MILR1: variants seen among roughly 807,000 people sequenced by gnomAD.
MILR1 encodes the protein mast cell immunoglobulin like receptor 1.
MILR1 carries 31 observed loss-of-function variants against 18.5 expected under a neutral mutation model. That is an observed-to-expected ratio of 1.68 (90% CI 1.26 to 2.26). The LOEUF is 2.26. MILR1 is among the 30% of genes most tolerant of loss of function. MILR1 has a pLI of 0.00. For synonymous variants in MILR1, 85 were observed against 56.2 expected, an observed-to-expected ratio of 1.51 and a Z score of -2.30; for missense variants, 257 against 157.4, an observed-to-expected ratio of 1.63 and a Z score of -3.38.
the MILR1 span, chr17:64,485,432 A>G: frequency 5.3e-6 from 2 of 377,698 alleles, no homozygotes; most frequent in South Asian, 2.4e-5. Context: ...AGCTTCTGAT[A>G]CAAATGGAAG....
In MILR1 at chr17:64,468,500, G is replaced by T. The variant is rs2037632679; in HGVS notation, c.*219G>T. ...GATGGGGTTTCACTATGGTGGCCAG[G>T]CTGGTCTTGAACTCCTGACCTCAGA... is the stretch of plus-strand genomic sequence containing the variant. On this transcript the variant is annotated 3_prime_UTR_variant, in exon 10 of 10. Transcript: ENST00000619286. 1 of 472,874 alleles carries T rather than the reference G, an allele frequency of 2.1e-6. No homozygotes were observed. The allele number at this position is 472,874 out of a possible 1,614,324, so 29.3% of individuals were successfully genotyped here.
At chr17:64,455,892 T>C (rs2037287604) in intron 3 of MILR1, among the ~76,000 whole-genome samples, 1 of 151,828 alleles carries the variant, frequency 6.6e-6, no homozygotes, top group African/African-American at 2.4e-5. Context: ...ATACAAAAAT[T>C]AGCTAGGCAT....
At chr17:64,493,103 T>TCCTTGCATGGGAATACAGGGCCAGTTGC in the MILR1 span, 1 of 1,382,948 alleles carries the variant, frequency 7.2e-7, no homozygotes, top group Non-Finnish European at 1.0e-6. Context: ...TTAATAGTAG[T>TCCTTGCATGGGAATACAGGGCCAGTTGC]AATAACGTTA....
intron 3 of MILR1, among the ~76,000 whole-genome samples, chr17:64,453,225 C>T (rs1169232444): frequency 6.6e-6 from 1 of 151,664 alleles, no homozygotes; most frequent in Non-Finnish European, 1.5e-5. Context: ...CCCATCACCA[C>T]GCCTGGCTAA....
In MILR1 at chr17:64,452,635, GT is replaced by G. The variant is rs1421017498; in HGVS notation, c.138del (p.Met47Ter). ...ATGTTTGGACTCAAAGACTAAGGTG[GT>G]TATGAAGGGTCAAAATGTATCTATG... Reference protein sequence around the residue: ...SPCLDSKTKVVMKGQNVSMFC... With the variant: ...SPCLDSKTKVXMKGQNVSMFC... On this transcript the variant is annotated frameshift_variant, in exon 3 of 10. Transcript: ENST00000619286. LOFTEE classifies it high-confidence loss of function. 9 of 436,432 alleles carry G rather than the reference GT, an allele frequency of 2.1e-5. No individual in the cohort carries two copies. The highest frequency in any genetic ancestry group is 1.8e-4 in the African/African-American group (9 of 49,700). The allele number at this position is 436,432 out of a possible 1,614,324, so 27.0% of individuals were successfully genotyped here. A position where few individuals can be genotyped will look rare whatever the true frequency, so the allele number is the denominator to read the frequency against.
At chr17:64,493,487 A>G in the MILR1 span, among the ~76,000 whole-genome samples, 3 of 150,412 alleles carry the variant, frequency 2.0e-5, no homozygotes, top group Non-Finnish European at 4.4e-5. Context: ...TAGTTTGAAG[A>G]TTTTCTTTTT....
At chr17:64,460,677 T>C (rs2037411484) in intron 4 of MILR1, 145 bp from the exon 5 acceptor site, 2 of 374,766 alleles carry the variant, frequency 5.3e-6, no homozygotes. Flanking sequence ...GTCCCGTGAG[T>C]TTTAGATGTC....
At chr17:64,469,480 C>A (rs2037653735), downstream of MILR1, among the ~76,000 whole-genome samples, 1 of 152,184 alleles carries the variant, frequency 6.6e-6, no homozygotes, top group South Asian at 2.1e-4. Context: ...TCACTGCAAC[C>A]TCCGCCTCCC....
chr17:64,482,691 G>A, the MILR1 span, among the ~76,000 whole-genome samples: 1 of 152,146 alleles, frequency 6.6e-6, no homozygotes, highest in Non-Finnish European at 1.5e-5. Flanking sequence ...TTAGAGTAAG[G>A]GTTAGGTTGA....
Position 64,466,641 on chromosome 17 carries a change from G to A in MILR1, c.958G>A (p.Glu320Lys), listed in dbSNP as rs2144083245. Residue 320 changes from glutamate to lysine, a missense_variant, in exon 8 of 10, where the codon GAG becomes AAG. Glu to Lys is a moderately conservative substitution (Grantham distance 56). Transcript: ENST00000619286. Reference sequence around the variant, plus strand: ...ACAGTATGCCACCCCCGTGTTCCAGGAGGTGGCACCAAGAGAGCAAGGTGA... The same window carrying A: ...ACAGTATGCCACCCCCGTGTTCCAGAAGGTGGCACCAAGAGAGCAAGGTGA... ...ELQYATPVFQ[E>K]VAPREQEACD... 6.2e-7 allele frequency: 1 copy of A among 1,609,548 alleles called. No homozygotes were observed. Among genetic ancestry groups the A allele is most frequent in the Admixed American group, 1.7e-5 (1 of 59,226 alleles).
Position 64,466,513 on chromosome 17 carries a change from CAG to C in MILR1, c.910+18_910+19del, listed in dbSNP as rs1188031602. ...AGCCCAAGATGGTGAGCATGTTCTGCAGAGTCTATTCCACTGCCCTCATGCGC... is the reference window on the plus strand; with the variant it reads ...AGCCCAAGATGGTGAGCATGTTCTGCAGTCTATTCCACTGCCCTCATGCGC... On this transcript the variant is annotated intron_variant, in intron 7 of 9. Transcript: ENST00000619286. 8 of 1,613,158 alleles carry C rather than the reference CAG, an allele frequency of 5.0e-6. No homozygotes were observed. The Admixed American group carries it at 1.3e-4, about 27-fold the overall frequency.
chr17:64,480,458 G>T, the MILR1 span: 1 of 750,956 alleles, frequency 1.3e-6, no homozygotes, highest in Non-Finnish European at 2.3e-6. Context: ...TTCTATTTTT[G>T]TGAAGCCACA....
At chr17:64,490,842 T>A in the MILR1 span, 15 of 1,613,758 alleles carry the variant, frequency 9.3e-6, no homozygotes, top group Non-Finnish European at 1.2e-5. Flanking sequence ...AAGTTCGTGA[T>A]CTCCTAGGTT....
chr17:64,493,641 C>T, the MILR1 span, among the ~76,000 whole-genome samples: 108 of 151,992 alleles, frequency 7.1e-4, no homozygotes, highest in Non-Finnish European at 9.6e-4. Flanking sequence ...CCCGCCACCA[C>T]GCCCGGCTAA....
chr17:64,491,480 A>C, the MILR1 span: 34 of 1,200,262 alleles, frequency 2.8e-5, no homozygotes, highest in Non-Finnish European at 3.5e-5. Context: ...ACGGCAGTCC[A>C]GCCCGGGCAA....
chr17:64,453,536 CTTTTTTT>C (rs35572128), intron 3 of MILR1, among the ~76,000 whole-genome samples: 53 of 101,028 alleles, frequency 5.2e-4, no homozygotes, highest in African/African-American at 1.0e-3. Context: ...GCAAAAATCG[CTTTTTTT>C]TTTTTTTTTT....
downstream of MILR1, among the ~76,000 whole-genome samples, chr17:64,470,080 C>T (rs1169218749): frequency 6.6e-6 from 1 of 152,092 alleles, no homozygotes; most frequent in Non-Finnish European, 1.5e-5. Flanking sequence ...GATGGTTGCA[C>T]AATAATATGA....
At chr17:64,472,686 C>T (rs2037708788), downstream of MILR1, among the ~76,000 whole-genome samples, 1 of 151,954 alleles carries the variant, frequency 6.6e-6, no homozygotes, top group Non-Finnish European at 1.5e-5. Context: ...CAGTAGCATG[C>T]TGTACAGGTT....
downstream of MILR1, among the ~76,000 whole-genome samples, chr17:64,469,267 A>G (rs1364574418): frequency 1.3e-5 from 2 of 152,150 alleles, no homozygotes; most frequent in Admixed American, 6.5e-5. Context: ...AGAATGTAGC[A>G]TTGCCTCTGG....
Sources: allele counts gnomAD v4.1 joint callset (sites outside exome capture counted in the v4.1 genomes callset), GRCh38; gene constraint gnomAD v4.1.1; transcripts MANE v1.5; gene names NCBI Gene and HGNC (gene_info 2026-07-23, HGNC 2026-07-21).